ZFYVE16: variants seen among roughly 807,000 people sequenced by gnomAD.
ZFYVE16 encodes the protein zinc finger FYVE domain-containing protein 16.
A neutral mutation model predicts 138.1 loss-of-function variants in ZFYVE16; 89 were observed. That is an observed-to-expected ratio of 0.64 (90% CI 0.54 to 0.77). ZFYVE16 has a LOEUF of 0.77. Ranked by LOEUF, ZFYVE16 falls within the 30% of genes least tolerant of loss-of-function variation. The probability of loss-of-function intolerance (pLI) is 0.00; values close to 1 mark genes in which losing one functional copy is unlikely to be tolerated. For synonymous variants in ZFYVE16, 596 were observed against 618.3 expected (o/e 0.96, Z 0.53); for missense variants, 1,793 against 1,786.7 (o/e 1.00, Z -0.06).
rs754781501 is a variant in ZFYVE16 at position 80,451,587 on chromosome 5, TTGA to T, written c.3490_3492del (p.Asp1164del). 1 of 1,613,792 alleles carries T rather than the reference TTGA, an allele frequency of 6.2e-7. No individual in the cohort carries two copies. Among genetic ancestry groups the T allele is most frequent in the Non-Finnish European group, 8.5e-7 (1 of 1,179,924 alleles). On this transcript the variant is annotated inframe_deletion, in exon 11 of 19. Coordinates refer to ENST00000505560, the MANE Select transcript of ZFYVE16 (RefSeq NM_001284236.3). ...TTTATTACACCTACTTTTCAGAAAC[TTGA>T]TGATCTCTCATTACCAAGTAATCCT...
intron 16 of ZFYVE16, among the ~76,000 whole-genome samples, chr5:80,473,224 G>T (rs1754561024): frequency 6.6e-6 from 1 of 152,122 alleles, no homozygotes; most frequent in South Asian, 2.1e-4. Context: ...TTTTCTTTCA[G>T]ATGGTACCTA....
At chr5:80,456,337 A>G (rs1306663768) in intron 12 of ZFYVE16, 124 bp from the exon 13 acceptor site, 10 of 745,800 alleles carry the variant, frequency 1.3e-5, no homozygotes, top group African/African-American at 1.9e-5. Context: ...TAAATACTAC[A>G]AAGTTTTTCC....
At position 80,433,885 on chromosome 5, in the gene ZFYVE16, T is replaced by C. The variant is rs1244822682; in HGVS notation, c.-39-224T>C. Among the ~76,000 whole-genome samples the C allele has an allele frequency of 2.6e-5, 4 of 152,156 alleles. No individual in the cohort carries two copies. The East Asian group carries it at 7.7e-4, about 29-fold the overall frequency. Reference sequence around the variant, plus strand: ...TTATTTAGGTAAGTGTTTAAAAATTTACAATAGTTTATATATGCAAATATT... The same window carrying C: ...TTATTTAGGTAAGTGTTTAAAAATTCACAATAGTTTATATATGCAAATATT... On this transcript the variant is annotated intron_variant, in intron 2 of 18. Coordinates refer to ENST00000505560, the MANE Select transcript of ZFYVE16 (RefSeq NM_001284236.3).
chr5:80,450,140 A>G (rs1285177074), intron 9 of ZFYVE16, among the ~76,000 whole-genome samples: 2 of 151,984 alleles, frequency 1.3e-5, no homozygotes, highest in Non-Finnish European at 2.9e-5. Flanking sequence ...AATCCTCACT[A>G]CTCCATAATG....
rs1755265248 is a variant in ZFYVE16, at chr5:80,481,399, GT to G, written c.*4023del. On this transcript the variant is annotated 3_prime_UTR_variant, in exon 19 of 19. Coordinates refer to ENST00000505560, the MANE Select transcript of ZFYVE16 (RefSeq NM_001284236.3). ...GGATCATCTCACAAGCTGTGTATGTGTGAAACTAACCAGAAGCAGCTGAGCA... is the reference window on the plus strand; with the variant it reads ...GGATCATCTCACAAGCTGTGTATGTGGAAACTAACCAGAAGCAGCTGAGCA... Among the ~76,000 whole-genome samples the G allele has an allele frequency of 6.6e-6, 1 of 152,136 alleles. No individual in the cohort carries two copies. Among genetic ancestry groups the G allele is most frequent in the African/African-American group, 2.4e-5 (1 of 41,416 alleles).
chr5:80,452,278 T>C (rs1311540980), intron 11 of ZFYVE16: 1 of 151,848 alleles, frequency 6.6e-6, no homozygotes, highest in African/African-American at 2.4e-5. Context: ...CTACTAAAAA[T>C]ACAAAAATTA....
chr5:80,422,105 A>G (rs187707229), intron 1 of ZFYVE16, among the ~76,000 whole-genome samples: 2 of 152,108 alleles, frequency 1.3e-5, no homozygotes, highest in East Asian at 1.9e-4. Context: ...TTTGTCTGTT[A>G]TTGGTGTATA....
intron 15 of ZFYVE16, among the ~76,000 whole-genome samples, chr5:80,465,929 C>CT (rs532634082): frequency 0.013 from 1,813 of 142,636 alleles, 14 homozygotes; most frequent in African/African-American, 0.021. Flanking sequence ...TATTGGTATT[C>CT]TTTTTTTTTT....
rs1317760522 is a variant in ZFYVE16, at chr5:80,441,680, A to AAT, written c.2420-1443_2420-1442insAT. 1.2e-4 allele frequency: 105 copies of AAT among 866,882 alleles called. 1 individual carries two copies. The allele number at this position is 866,882 out of a possible 1,614,324, so 53.7% of individuals were successfully genotyped here. On this transcript the variant is annotated intron_variant, in intron 5 of 18. Coordinates refer to ENST00000505560, the MANE Select transcript of ZFYVE16 (RefSeq NM_001284236.3). ...CCTGAGATTATGTGAGTTTCAAGGA[A>AAT]GCACACGTGAATATCAATAAGTAGA...
chr5:80,455,184 A>G (rs1366499807), intron 11 of ZFYVE16: 1 of 158,448 alleles, frequency 6.3e-6, no homozygotes, highest in African/African-American at 2.4e-5. Flanking sequence ...TAATGTATGT[A>G]TAGTTCCCAG....
chr5:80,443,241 A>AACTG lies in ZFYVE16; in HGVS notation c.2538_2539insACTG (p.Ala847ThrfsTer10). 1 of 1,611,866 alleles carries AACTG rather than the reference A, an allele frequency of 6.2e-7. No individual in the cohort carries two copies. The highest frequency in any genetic ancestry group is 8.5e-7 in the Non-Finnish European group (1 of 1,179,486). ...ACCAAACATCCAGTATACCTTCACC[A>AACTG]GCAACTTTGCCAGTCTCAGCACTTA... On this transcript the variant is annotated frameshift_variant, in exon 6 of 19. Transcript: ENST00000505560. LOFTEE classifies it high-confidence loss of function.
chr5:80,408,950 C>A (rs1301776101), intron 1 of ZFYVE16, among the ~76,000 whole-genome samples: 2 of 149,274 alleles, frequency 1.3e-5, no homozygotes, highest in African/African-American at 2.5e-5. Flanking sequence ...ATGGTTTAAT[C>A]CAGTAGAACT....
At chr5:80,410,571 CT>C (rs1561215432) in intron 1 of ZFYVE16, among the ~76,000 whole-genome samples, 1 of 152,062 alleles carries the variant, frequency 6.6e-6, no homozygotes, top group African/African-American at 2.4e-5. Flanking sequence ...ACGTGCTGTA[CT>C]TTGTTTGTTT....
chr5:80,435,728 C>T (rs1163555650), intron 3 of ZFYVE16: 1 of 439,928 alleles, frequency 2.3e-6, no homozygotes, highest in South Asian at 1.6e-5. Flanking sequence ...GCCAGCATGC[C>T]CGGCTAATTT....
chr5:80,441,664 A>G (rs924042274), intron 5 of ZFYVE16: 2 of 945,144 alleles, frequency 2.1e-6, no homozygotes, highest in Non-Finnish European at 2.5e-6. Context: ...TCCTGAGATT[A>G]TGTGAGTTTC....
chr5:80,423,977 C>G (rs189656403), intron 1 of ZFYVE16, among the ~76,000 whole-genome samples: 7 of 147,782 alleles, frequency 4.7e-5, no homozygotes, highest in Non-Finnish European at 1.0e-4. Context: ...TGAAGTTGCA[C>G]TCTTGTTGCT....
intron 1 of ZFYVE16, among the ~76,000 whole-genome samples, chr5:80,420,271 T>A (rs1192566877): frequency 1.3e-5 from 2 of 151,940 alleles, no homozygotes; most frequent in African/African-American, 4.8e-5. Context: ...CACGCCCAGC[T>A]AATTTTTATT....
chr5:80,436,106 A>G (rs901816685), intron 3 of ZFYVE16, among the ~76,000 whole-genome samples: 1 of 152,206 alleles, frequency 6.6e-6, no homozygotes, highest in African/African-American at 2.4e-5. Context: ...GGCTGTGGCC[A>G]TCAACAGCTC....
chr5:80,469,890 C>T (rs1455057207), intron 15 of ZFYVE16, among the ~76,000 whole-genome samples: 1 of 151,044 alleles, frequency 6.6e-6, no homozygotes, highest in Non-Finnish European at 1.5e-5. Flanking sequence ...CTTTTCTGTT[C>T]CAGAATTTCC....
Sources: allele counts gnomAD v4.1 joint callset (sites outside exome capture counted in the v4.1 genomes callset), GRCh38; gene constraint gnomAD v4.1.1; transcripts MANE v1.5; gene names NCBI Gene and HGNC (gene_info 2026-07-23, HGNC 2026-07-21).